The following ZFPM1 variants were observed in gnomAD, a reference collection of about 807,000 sequenced individuals.
ZFPM1 encodes zinc finger protein ZFPM1.
In ZFPM1, 28 loss-of-function variants were observed where a neutral mutation model predicts 46.3. The observed-to-expected ratio is 0.60, with a 90% CI of 0.45 to 0.83. The LOEUF (loss-of-function observed/expected upper bound fraction) is 0.83. Ranked by LOEUF, ZFPM1 falls within the 40% of genes least tolerant of loss-of-function variation. The pLI, the probability that ZFPM1 is intolerant of heterozygous loss-of-function variation, is 0.00. For missense variants in ZFPM1, 1,878 were observed against 1,432.4 expected, an observed-to-expected ratio of 1.31 and a Z score of -5.02; for synonymous variants, 957 against 675.9, an observed-to-expected ratio of 1.42 and a Z score of -6.45.
upstream of ZFPM1, among the ~76,000 whole-genome samples, chr16:88,452,645 C>T (rs561416700): frequency 6.6e-6 from 1 of 152,278 alleles, no homozygotes. Context: ...GTCAAGGCCT[C>T]GGGCTTCCTG....
chr16:88,489,192 C>T (rs370555546), intron 3 of ZFPM1, 39 bp downstream of exon 3: 127 of 1,554,260 alleles, frequency 8.2e-5, no homozygotes, highest in South Asian at 1.9e-4. Flanking sequence ...CATCGCCTCC[C>T]GGGCAGCCTG....
chr16:88,515,623 G>C (rs1911248889), intron 4 of ZFPM1, among the ~76,000 whole-genome samples: 1 of 152,232 alleles, frequency 6.6e-6, no homozygotes, highest in African/African-American at 2.4e-5. Flanking sequence ...CTTGACACAG[G>C]GCATGGCTCA....
intron 1 of ZFPM1, among the ~76,000 whole-genome samples, chr16:88,457,489 G>C (rs909264745): frequency 6.6e-6 from 1 of 152,238 alleles, no homozygotes; most frequent in Non-Finnish European, 1.5e-5. Flanking sequence ...CCTGCTCTCA[G>C]CTTACCTGGT....
chr16:88,453,074 AG>A (rs1298959880), upstream of ZFPM1, among the ~76,000 whole-genome samples: 1 of 140,872 alleles, frequency 7.1e-6, no homozygotes, highest in African/African-American at 2.7e-5. Context: ...GTAAAGAGCG[AG>A]GCGGGCGGGG....
intron 3 of ZFPM1, among the ~76,000 whole-genome samples, chr16:88,491,267 C>T (rs1258218419): frequency 6.6e-6 from 1 of 152,146 alleles, no homozygotes; most frequent in Admixed American, 6.5e-5. Flanking sequence ...AGGGAGGGCG[C>T]CCACAGGCCC....
chr16:88,453,177 T>A (rs1029983472), upstream of ZFPM1: 6 of 106,742 alleles, frequency 5.6e-5, no homozygotes, highest in Non-Finnish European at 1.1e-4. Flanking sequence ...GCCGGAGAGG[T>A]GCAGGGCCCG....
intron 1 of ZFPM1, 30 bp downstream of exon 1, chr16:88,453,708 C>G (rs1291056425): frequency 2.5e-6 from 3 of 1,178,524 alleles, no homozygotes; most frequent in Non-Finnish European, 3.2e-6. Context: ...CGGTCCCCTC[C>G]GCGCGCCCGA....
intron 3 of ZFPM1, among the ~76,000 whole-genome samples, chr16:88,499,059 C>T (rs1472137283): frequency 6.6e-6 from 1 of 152,200 alleles, no homozygotes; most frequent in East Asian, 1.9e-4. Flanking sequence ...CTGCAGCCCC[C>T]GAGGCCGGCT....
chr16:88,526,354 C>A (rs2142472577), intron 4 of ZFPM1, among the ~76,000 whole-genome samples: 1 of 152,314 alleles, frequency 6.6e-6, no homozygotes, highest in East Asian at 1.9e-4. Flanking sequence ...GCATCTAGGG[C>A]CTGTGTGGAA....
chr16:88,524,796 C>G (rs949141909), intron 4 of ZFPM1, among the ~76,000 whole-genome samples: 3 of 152,224 alleles, frequency 2.0e-5, no homozygotes, highest in African/African-American at 7.2e-5. Flanking sequence ...TGAGCAGGGG[C>G]TCGGCCGCCC....
At chr16:88,486,574 G>A (rs1166067268) in intron 2 of ZFPM1, among the ~76,000 whole-genome samples, 8 of 151,018 alleles carry the variant, frequency 5.3e-5, no homozygotes, top group African/African-American at 1.5e-4. Flanking sequence ...TACACAGTGG[G>A]TGCTAGGTGC....
At chr16:88,467,790 G>A (rs1485126012) in intron 1 of ZFPM1, among the ~76,000 whole-genome samples, 4 of 152,130 alleles carry the variant, frequency 2.6e-5, no homozygotes, top group African/African-American at 4.8e-5. Flanking sequence ...TTGGGAGGTG[G>A]GGGTGGGGTG....
At chr16:88,458,357 G>A (rs1486616143) in intron 1 of ZFPM1, among the ~76,000 whole-genome samples, 1 of 152,170 alleles carries the variant, frequency 6.6e-6, no homozygotes, top group African/African-American at 2.4e-5. Context: ...GGGTCCCCTG[G>A]GAGGCTCATC....
At chr16:88,490,053 A>AT (rs1378643018) in intron 3 of ZFPM1, among the ~76,000 whole-genome samples, 5 of 150,144 alleles carry the variant, frequency 3.3e-5, no homozygotes, top group Non-Finnish European at 3.0e-5. Flanking sequence ...GCAAGTATTT[A>AT]TTATTTTTTT....
At chr16:88,511,029 C>T (rs1910929631) in intron 3 of ZFPM1, among the ~76,000 whole-genome samples, 1 of 152,106 alleles carries the variant, frequency 6.6e-6, no homozygotes, top group Non-Finnish European at 1.5e-5. Flanking sequence ...GCAGAGACAA[C>T]CTGGCCGGAG....
At chr16:88,526,560 C>T (rs958072849) in intron 4 of ZFPM1, among the ~76,000 whole-genome samples, 3 of 152,180 alleles carry the variant, frequency 2.0e-5, no homozygotes, top group Admixed American at 6.5e-5. Flanking sequence ...AAGAACCCTG[C>T]GCCCAACCCT....
chr16:88,496,974 G>T (rs1213514209), intron 3 of ZFPM1, among the ~76,000 whole-genome samples: 1 of 152,124 alleles, frequency 6.6e-6, no homozygotes, highest in East Asian at 1.9e-4. Context: ...GCTGCCTGTG[G>T]GTGGGGGGCT....
Position 88,535,081 on chromosome 16 carries a change from C to A in ZFPM1, c.*102C>A. The A allele has an allele frequency of 7.6e-7, 1 of 1,314,100 alleles. No individual in the cohort carries two copies. The highest frequency in any genetic ancestry group is 2.0e-5 in the South Asian group (1 of 49,370). The allele number at this position is 1,314,100 out of a possible 1,614,324, so 81.4% of individuals were successfully genotyped here. On this transcript the variant is annotated 3_prime_UTR_variant, in exon 10 of 10. Transcript: ENST00000319555. ...ACTGCCGCTCCTGGGAACCCCGCCA[C>A]GCACAGGCCTCGGCGGAGGGGGCCG...
chr16:88,457,819 A>C (rs1173791341), intron 1 of ZFPM1, among the ~76,000 whole-genome samples: 1 of 152,022 alleles, frequency 6.6e-6, no homozygotes. Context: ...AGGGAATTAG[A>C]GATCGGGAGG....
Sources: allele counts gnomAD v4.1 joint callset (sites outside exome capture counted in the v4.1 genomes callset), GRCh38; gene constraint gnomAD v4.1.1; transcripts MANE v1.5; gene names NCBI Gene and HGNC (gene_info 2026-07-23, HGNC 2026-07-21).